SLC1A4: variants seen among roughly 807,000 people sequenced by gnomAD.
SLC1A4 encodes neutral amino acid transporter A.
In SLC1A4, 19 loss-of-function variants were observed where a neutral mutation model predicts 37.7. That is an observed-to-expected ratio of 0.50 (90% CI 0.35 to 0.74). SLC1A4 has a LOEUF of 0.74. SLC1A4 is among the 30% of genes least tolerant of loss of function. The probability of loss-of-function intolerance (pLI) is 0.01; values close to 1 mark genes in which losing one functional copy is unlikely to be tolerated. For synonymous variants in SLC1A4, 299 were observed against 309.8 expected (o/e 0.97, Z 0.37); for missense variants, 570 against 712.9 (o/e 0.80, Z 2.28).
chr2:64,998,361 A>G (rs1273730486), intron 1 of SLC1A4, among the ~76,000 whole-genome samples: 1 of 150,998 alleles, frequency 6.6e-6, no homozygotes, highest in Non-Finnish European at 1.5e-5. Context: ...CGGAGGCTGC[A>G]GTGAGCCGAG....
intron 1 of SLC1A4, among the ~76,000 whole-genome samples, chr2:64,990,929 T>A (rs1016750017): frequency 6.6e-6 from 1 of 152,254 alleles, no homozygotes; most frequent in African/African-American, 2.4e-5. Flanking sequence ...TCCTTTGAGA[T>A]GATGTAGTAT....
chr2:65,007,960 C>T (rs1283822983), intron 3 of SLC1A4, among the ~76,000 whole-genome samples: 1 of 152,136 alleles, frequency 6.6e-6, no homozygotes, highest in Non-Finnish European at 1.5e-5. Context: ...ATCCATTAAT[C>T]AACTTCTCTT....
chr2:65,006,542 G>A (rs1297862637), intron 3 of SLC1A4, among the ~76,000 whole-genome samples: 1 of 152,070 alleles, frequency 6.6e-6, no homozygotes, highest in Non-Finnish European at 1.5e-5. Context: ...GTGTGTCCTC[G>A]CTGGTTCCAG....
upstream of SLC1A4, chr2:64,989,378 T>G: frequency 2.1e-5 from 7 of 327,396 alleles, no homozygotes; most frequent in Middle Eastern, 8.1e-4. Context: ...TGCGTCCGCG[T>G]TCGCGGCTCC....
intron 4 of SLC1A4, among the ~76,000 whole-genome samples, chr2:65,012,045 A>G (rs1673943070): frequency 1.3e-5 from 2 of 151,684 alleles, no homozygotes; most frequent in Admixed American, 6.6e-5. Context: ...CTGAGATTAC[A>G]GGCATGAGCC....
intron 4 of SLC1A4, among the ~76,000 whole-genome samples, chr2:65,016,037 T>TA (rs1182111562): frequency 2.6e-5 from 4 of 152,252 alleles, no homozygotes; most frequent in Non-Finnish European, 4.4e-5. Flanking sequence ...AAATAGGTGT[T>TA]AGTCTTTTGT....
chr2:65,015,096 T>C (rs945846234), intron 4 of SLC1A4, among the ~76,000 whole-genome samples: 3 of 152,256 alleles, frequency 2.0e-5, no homozygotes, highest in Non-Finnish European at 4.4e-5. Context: ...AAACACTGTA[T>C]GATTCCACCT....
intron 1 of SLC1A4, chr2:64,994,828 G>A (rs889946838): frequency 3.3e-5 from 5 of 152,142 alleles, no homozygotes; most frequent in Non-Finnish European, 4.4e-5. Context: ...GACACACAAC[G>A]TGATGTTCCA....
intron 7 of SLC1A4, 121 bp from the exon 8 acceptor site, chr2:65,020,791 G>C (rs1674387211): frequency 1.4e-6 from 1 of 736,532 alleles, no homozygotes; most frequent in Middle Eastern, 2.5e-4. Context: ...TTAGAAGCAT[G>C]CTCTCCAGGA....
rs535025970 is a variant in SLC1A4 at position 65,010,488 on chromosome 2, T to G, written c.634-109T>G. 4 of 893,422 alleles carry G rather than the reference T, an allele frequency of 4.5e-6. No individual in the cohort carries two copies. The African/African-American group carries it at 6.9e-5, about 15-fold the overall frequency. 55.3% of individuals were successfully genotyped at this position (893,422 alleles called of 1,614,324 possible). ...CTAATTGTTAAAGAAAATATGAGCTTTTTCTCGTTCTGGGTACAGTGTTTC... is the reference window on the plus strand; with the variant it reads ...CTAATTGTTAAAGAAAATATGAGCTGTTTCTCGTTCTGGGTACAGTGTTTC... On this transcript the variant is annotated intron_variant, in intron 3 of 7. Coordinates refer to ENST00000234256, the MANE Select transcript of SLC1A4 (RefSeq NM_003038.5).
Position 65,021,615 on chromosome 2 carries a change from GC to G in SLC1A4, c.*470del, listed in dbSNP as rs1331028956. 1 of 161,024 alleles carries G rather than the reference GC, an allele frequency of 6.2e-6. No homozygotes were observed. Among genetic ancestry groups the G allele is most frequent in the Non-Finnish European group, 1.4e-5 (1 of 73,536 alleles). The allele number at this position is 161,024 out of a possible 1,614,324, so 10.0% of individuals were successfully genotyped here. A position where few individuals can be genotyped will look rare whatever the true frequency, so the allele number is the denominator to read the frequency against. Reference sequence around the variant, plus strand: ...AAAAATGCTCAAATTCTTAGCCATGGCTGGCCTTTGCTGAGCTGGGACTCAG... The same window carrying G: ...AAAAATGCTCAAATTCTTAGCCATGGTGGCCTTTGCTGAGCTGGGACTCAG... On this transcript the variant is annotated 3_prime_UTR_variant, in exon 8 of 8. Coordinates refer to ENST00000234256, the MANE Select transcript of SLC1A4 (RefSeq NM_003038.5).
rs1674466195 is a variant in SLC1A4, at chr2:65,022,489, C to G, written c.*1343C>G. 6.6e-6 allele frequency: 1 copy of G among 152,196 alleles called. No homozygotes were observed. The highest frequency in any genetic ancestry group is 2.4e-5 in the African/African-American group (1 of 41,452). The allele number at this position is 152,196 out of a possible 1,614,324, so 9.4% of individuals were successfully genotyped here. A position where few individuals can be genotyped will look rare whatever the true frequency, so the allele number is the denominator to read the frequency against. ...GGATTTGGTGAAGCAAACTGTTAATCTTCGAAAACGACCATTTCACTTCTT... is the reference window on the plus strand; with the variant it reads ...GGATTTGGTGAAGCAAACTGTTAATGTTCGAAAACGACCATTTCACTTCTT... On this transcript the variant is annotated 3_prime_UTR_variant, in exon 8 of 8. Coordinates refer to ENST00000234256, the MANE Select transcript of SLC1A4 (RefSeq NM_003038.5).
Position 65,014,565 on chromosome 2 carries a change from T to G in SLC1A4, c.801-1875T>G, listed in dbSNP as rs183090696. On this transcript the variant is annotated intron_variant, in intron 4 of 7. Transcript: ENST00000234256. ...CACTAGCACCATGCCCCAAAAGTTA[T>G]GACAACCAAACTGTCTTCCAGACAA... is the stretch of plus-strand genomic sequence containing the variant. Among the ~76,000 whole-genome samples the G allele has an allele frequency of 3.5e-4, 54 of 152,326 alleles. No individual in the cohort carries two copies. In the East Asian group the frequency reaches 9.1e-3, roughly 26 times the overall value.
intron 7 of SLC1A4, among the ~76,000 whole-genome samples, chr2:65,019,097 T>C (rs1674305505): frequency 6.6e-6 from 1 of 152,130 alleles, no homozygotes; most frequent in Admixed American, 6.5e-5. Flanking sequence ...GGAGGGAGGA[T>C]GAACCATGCT....
chr2:65,007,438 T>C (rs1042730501), intron 3 of SLC1A4, among the ~76,000 whole-genome samples: 5 of 152,158 alleles, frequency 3.3e-5, no homozygotes, highest in Admixed American at 2.6e-4. Flanking sequence ...AGGATGCAAC[T>C]CTGGTTGCTT....
intron 3 of SLC1A4, among the ~76,000 whole-genome samples, chr2:65,006,508 G>T (rs1465449663): frequency 2.0e-5 from 3 of 151,868 alleles, no homozygotes; most frequent in Non-Finnish European, 4.4e-5. Context: ...ATAAATAAAA[G>T]AAAAAAAGAA....
At chr2:64,998,624 G>A (rs1161561657) in intron 1 of SLC1A4, among the ~76,000 whole-genome samples, 3 of 152,136 alleles carry the variant, frequency 2.0e-5, no homozygotes, top group East Asian at 1.9e-4. Flanking sequence ...AAAACAGGTC[G>A]GTGTGCCAGT....
At chr2:65,001,770 T>C (rs1247472305) in intron 2 of SLC1A4, among the ~76,000 whole-genome samples, 1 of 152,246 alleles carries the variant, frequency 6.6e-6, no homozygotes, top group Non-Finnish European at 1.5e-5. Context: ...ATTTTGGGGA[T>C]GTCTTAAATA....
chr2:65,005,352 A>G (rs1293640721), intron 3 of SLC1A4, among the ~76,000 whole-genome samples: 3 of 152,232 alleles, frequency 2.0e-5, no homozygotes, highest in African/African-American at 7.2e-5. Flanking sequence ...AGTGAATGAT[A>G]TCCCCCTGTT....
Sources: gnomAD v4.1 joint callset for allele counts (sites outside exome capture counted in the v4.1 genomes callset) on GRCh38, gnomAD v4.1.1 for gene constraint, MANE v1.5 for transcripts, NCBI Gene and HGNC (gene_info 2026-07-23, HGNC 2026-07-21) for gene names.